Variants in CLUH observed in about 807,000 individuals in gnomAD.
CLUH encodes the protein CLUH binding protein of NUMT mRNA, also known as clustered mitochondria protein homolog.
In CLUH, 77 loss-of-function variants were observed where a neutral mutation model predicts 139.3. The ratio of observed to expected loss-of-function variants is 0.55; its 90% CI spans 0.46 to 0.67. The LOEUF is 0.67. CLUH is among the 30% of genes least tolerant of loss of function. The pLI is 0.00. For synonymous variants in CLUH, 999 were observed against 801.6 expected (o/e 1.25, Z -4.16); for missense variants, 1,876 against 1,875.8 (o/e 1.00, Z 0.00).
intron 1 of CLUH, 36 bp downstream of exon 1, chr17:2,711,526 C>T: frequency 4.4e-6 from 3 of 675,412 alleles, no homozygotes; most frequent in Non-Finnish European, 5.5e-6. Flanking sequence ...TCCGGCGCCC[C>T]CCGCCCAGCG....
At chr17:2,694,331 G>A in intron 17 of CLUH, 55 bp from the exon 18 acceptor site, 1 of 1,543,374 alleles carries the variant, frequency 6.5e-7, no homozygotes, top group African/African-American at 1.4e-5. Flanking sequence ...CAGCGGGTTG[G>A]CACCTCCCAA....
chr17:2,711,433 T>C (rs1375974393), intron 1 of CLUH, 129 bp downstream of exon 1: 3 of 188,382 alleles, frequency 1.6e-5, no homozygotes, highest in African/African-American at 4.8e-5. Context: ...GGCGACCCGG[T>C]GAAGGCCCCA....
chr17:2,704,445 T>TGGTCTCATCTCCCGGGCCGGC lies in CLUH; in HGVS notation c.199_219dup (p.Ala67_Thr73dup). 6.2e-7 allele frequency: 1 copy of TGGTCTCATCTCCCGGGCCGGC among 1,608,248 alleles called. No individual in the cohort carries two copies. Among genetic ancestry groups the TGGTCTCATCTCCCGGGCCGGC allele is most frequent in the Non-Finnish European group, 8.5e-7 (1 of 1,177,608 alleles). The stretch of plus-strand genomic sequence containing the variant: ...TGAATGACAATGACTTCCTGGCCGG[T>TGGTCTCATCTCCCGGGCCGGC]GGTCTCATCTCCCGGGCCGGCCTCG... On this transcript the variant is annotated inframe_insertion, in exon 2 of 26. Transcript: ENST00000651024. This position sits in a 1 kb window ranked among gnomAD's most constrained non-coding sequence, Gnocchi z 5.7.
At position 2,690,699 on chromosome 17, in the gene CLUH, T is replaced by C; in HGVS notation, c.3942A>G (p.Arg1314=). ...GCTCGGTAGCCATGGGCTCCTCGGCTCTATCCCTGTTTCTGCTGGCCTCCT... is the reference window on the plus strand; with the variant it reads ...GCTCGGTAGCCATGGGCTCCTCGGCCCTATCCCTGTTTCTGCTGGCCTCCT... ...QLQEASRNRD[R]AEEPMATEPA... is the part of the protein sequence containing the mutation. Residue 1314 remains arginine, a synonymous_variant, in exon 26 of 26, where the codon AGA becomes AGG. Coordinates refer to ENST00000651024, the MANE Select transcript of CLUH (RefSeq NM_001366661.1). 1.3e-6 allele frequency: 2 copies of C among 1,563,654 alleles called. No homozygotes were observed. The highest frequency in any genetic ancestry group is 2.1e-5 in the Admixed American group (1 of 48,702).
chr17:2,698,363 G>A lies in CLUH; in HGVS notation c.1494C>T (p.Asn498=), dbSNP rs758197309. ...TGTACAGCCCCTCCACGTCCACCGCGTTGTACGTGCGGACGCCATTCAGGT... is the reference window on the plus strand; with the variant it reads ...TGTACAGCCCCTCCACGTCCACCGCATTGTACGTGCGGACGCCATTCAGGT... ...TNDLNGVRTY[N]AVDVEGLYTL... Residue 498 remains asparagine (N), a synonymous_variant, in exon 10 of 26, where the codon AAC becomes AAT. Transcript: ENST00000651024. 1.2e-6 allele frequency: 2 copies of A among 1,613,212 alleles called. No homozygotes were observed. Among genetic ancestry groups the A allele is most frequent in the Admixed American group, 3.3e-5 (2 of 59,994 alleles).
At chr17:2,696,359 G>C (rs2069942937) in intron 12 of CLUH, 75 bp downstream of exon 12, 2 of 1,508,654 alleles carry the variant, frequency 1.3e-6, no homozygotes, top group Non-Finnish European at 1.8e-6. Flanking sequence ...AAACCCACCA[G>C]CCCCAAGGGC....
chr17:2,710,538 T>C (rs188050916), intron 1 of CLUH, among the ~76,000 whole-genome samples: 1 of 152,210 alleles, frequency 6.6e-6, no homozygotes, highest in East Asian at 1.9e-4. Flanking sequence ...AGGGAGGGAC[T>C]GGGGGACAGG....
chr17:2,704,758 G>A lies in CLUH; in HGVS notation c.101-194C>T, dbSNP rs1332396416. 6.6e-6 allele frequency among the ~76,000 whole-genome samples: 1 copy of A among 151,992 alleles called. No homozygotes were observed. Among genetic ancestry groups the A allele is most frequent in the Non-Finnish European group, 1.5e-5 (1 of 67,988 alleles). On this transcript the variant is annotated intron_variant, in intron 1 of 25. Transcript: ENST00000651024. The surrounding 1 kb of genome is among the most constrained non-coding windows in gnomAD (Gnocchi z 5.7). ...CACCCAGCCGCCCCTCCCAGCCACT[G>A]TTCCCTGGCCCACTGTGGTATGGCT...
At chr17:2,693,157 G>C (rs1441310019) in intron 19 of CLUH, among the ~76,000 whole-genome samples, 6 of 14,192 alleles carry the variant, frequency 4.2e-4, no homozygotes, top group Middle Eastern at 0.062. Flanking sequence ...AAAAAAAAAA[G>C]CCTGAGCAGG....
Position 2,696,199 on chromosome 17 carries a change from T to C in CLUH, c.2351A>G (p.Asp784Gly). Reference protein sequence around the residue: ...EVRDQKQLLKDAAAFLLSCQI... With the variant: ...EVRDQKQLLKGAAAFLLSCQI... The stretch of plus-strand genomic sequence containing the variant: ...GCAGGAGAGCAGGAAGGCAGCCGCG[T>C]CCTTCAGCAGCTGCTTCTGGTCCCG... Residue 784 changes from aspartate (D) to glycine (G), a missense_variant, in exon 13 of 26, where the codon GAC (aspartate) becomes GGC (glycine). Asp to Gly is a moderately conservative substitution (Grantham distance 94). Transcript: ENST00000651024. 1 of 1,574,476 alleles carries C rather than the reference T, an allele frequency of 6.4e-7. No individual in the cohort carries two copies. The highest frequency in any genetic ancestry group is 8.6e-7 in the Non-Finnish European group (1 of 1,160,654).
At position 2,693,789 on chromosome 17, in the gene CLUH, AGC is replaced by A. The variant is rs2069816155; in HGVS notation, c.3231+109_3231+110del. ...AGCCAGGGGTGGCCTGGGCAGAACC[AGC>A]GACTTCCTGGGGTCTCCCTGGACTC... On this transcript the variant is annotated intron_variant, in intron 19 of 25. Coordinates refer to ENST00000651024, the MANE Select transcript of CLUH (RefSeq NM_001366661.1). The A allele has an allele frequency of 2.5e-5, 34 of 1,377,838 alleles. 1 individual carries two copies. In the South Asian group the frequency reaches 4.1e-4, roughly 17 times the overall value. 85.4% of individuals were successfully genotyped at this position (1,377,838 alleles called of 1,614,324 possible).
chr17:2,694,714 C>G, intron 16 of CLUH, 143 bp downstream of exon 16: 1 of 1,360,108 alleles, frequency 7.4e-7, no homozygotes, highest in African/African-American at 1.5e-5. Context: ...CACCCTCCAG[C>G]ACCCAGTGAT....
At position 2,698,123 on chromosome 17, in the gene CLUH, G is replaced by A. The variant is rs780812466; in HGVS notation, c.1734C>T (p.Asp578=). 7 of 1,593,000 alleles carry A rather than the reference G, an allele frequency of 4.4e-6. No individual in the cohort carries two copies. The highest frequency in any genetic ancestry group is 2.3e-5 in the East Asian group (1 of 43,698). ...ILRHQVLNDR[D]EEVELCSSVE... is the part of the protein sequence containing the mutation. The stretch of plus-strand genomic sequence containing the variant: ...CCGAGGAGCAGAGCTCCACCTCCTC[G>A]TCACGGTCGTTGAGCACCTGGTGCC... Residue 578 remains aspartate, a synonymous_variant, in exon 10 of 26, where the codon GAC becomes GAT. Coordinates refer to ENST00000651024, the MANE Select transcript of CLUH (RefSeq NM_001366661.1).
rs2070340975 is a variant in CLUH, at chr17:2,706,053, GT to G, written c.101-1490del. 6.6e-6 allele frequency among the ~76,000 whole-genome samples: 1 copy of G among 152,126 alleles called. No homozygotes were observed. The highest frequency in any genetic ancestry group is 2.4e-5 in the African/African-American group (1 of 41,424). ...GGTCCCAACTCTGAGGAGTGCCTGG[GT>G]TCCCTTCCAGAAAGAAGAGCTCGCC... On this transcript the variant is annotated intron_variant, in intron 1 of 25. Coordinates refer to ENST00000651024, the MANE Select transcript of CLUH (RefSeq NM_001366661.1). This position sits in a 1 kb window ranked among gnomAD's most constrained non-coding sequence, Gnocchi z 4.6.
intron 9 of CLUH, among the ~76,000 whole-genome samples, chr17:2,699,178 AC>A (rs56958398): frequency 0.16 from 24,966 of 152,158 alleles, 2,437 homozygotes; most frequent in East Asian, 0.38. Flanking sequence ...GTGAACTTGA[AC>A]AGATAAAGGT....
intron 1 of CLUH, among the ~76,000 whole-genome samples, chr17:2,708,220 G>A (rs770022169): frequency 6.6e-6 from 1 of 152,212 alleles, no homozygotes; most frequent in African/African-American, 2.4e-5. Context: ...CAGGACCAGG[G>A]ATCAGGCAGA....
At chr17:2,697,849 C>T in intron 10 of CLUH, 47 bp downstream of exon 10, 2 of 1,435,308 alleles carry the variant, frequency 1.4e-6, no homozygotes, top group Non-Finnish European at 1.8e-6. Flanking sequence ...GGCGCCCGCA[C>T]TCCCTGCAGC....
intron 8 of CLUH, 92 bp downstream of exon 8, chr17:2,700,586 C>A: frequency 6.5e-7 from 1 of 1,534,666 alleles, no homozygotes; most frequent in South Asian, 1.2e-5. Context: ...CAAATGAAGT[C>A]AAGCATGGGG....
At position 2,699,881 on chromosome 17, in the gene CLUH, C is replaced by T. The variant is rs906329273; in HGVS notation, c.1266+501G>A. On this transcript the variant is annotated intron_variant, in intron 9 of 25. Coordinates refer to ENST00000651024, the MANE Select transcript of CLUH (RefSeq NM_001366661.1). ...TCCTGACCTTGTGATCCGCCCGCCTCGGCCTCCCAAAGTGCTGGGATTACA... is the reference window on the plus strand; with the variant it reads ...TCCTGACCTTGTGATCCGCCCGCCTTGGCCTCCCAAAGTGCTGGGATTACA... 5.9e-5 allele frequency among the ~76,000 whole-genome samples: 9 copies of T among 152,318 alleles called. No homozygotes were observed. In the East Asian group the frequency reaches 1.2e-3, roughly 20 times the overall value.
Sources: allele counts gnomAD v4.1 joint callset (sites outside exome capture counted in the v4.1 genomes callset), GRCh38; gene constraint gnomAD v4.1.1; non-coding constraint Gnocchi (gnomAD v3.1); transcripts MANE v1.5; gene names NCBI Gene and HGNC (gene_info 2026-07-23, HGNC 2026-07-21).